The following INTS9 variants were observed in gnomAD, a reference collection of about 807,000 sequenced individuals.
INTS9 encodes protein related to CPSF subunits of 74 kDa.
Under a neutral mutation model 79.7 loss-of-function variants are expected in INTS9, and 55 were observed. The observed-to-expected ratio is 0.69, with a 90% CI of 0.56 to 0.86. The LOEUF is 0.86. Ranked by LOEUF, INTS9 falls within the 40% of genes least tolerant of loss-of-function variation. INTS9 has a pLI of 0.00. For missense variants in INTS9, 721 were observed against 831.5 expected (o/e 0.87, Z 1.64); for synonymous variants, 319 against 325.2 (o/e 0.98, Z 0.20).
At chr8:28,811,153 G>T (rs1805104834) in intron 8 of INTS9, among the ~76,000 whole-genome samples, 1 of 148,480 alleles carries the variant, frequency 6.7e-6, no homozygotes, top group African/African-American at 2.5e-5. Context: ...TGTTGAGATG[G>T]AGTCTCACTC....
intron 4 of INTS9, among the ~76,000 whole-genome samples, chr8:28,846,429 A>ATCAGAAT (rs1807518921): frequency 6.6e-6 from 1 of 152,254 alleles, no homozygotes; most frequent in African/African-American, 2.4e-5. Context: ...TAACCTAAGC[A>ATCAGAAT]CACAGGCATC....
chr8:28,782,156 A>T (rs1406389732), intron 11 of INTS9, among the ~76,000 whole-genome samples: 1 of 152,256 alleles, frequency 6.6e-6, no homozygotes, highest in Non-Finnish European at 1.5e-5. Context: ...GGGCAAGTCA[A>T]GTCTTTCTGG....
chr8:28,834,801 C>T (rs985180058), intron 6 of INTS9, among the ~76,000 whole-genome samples: 11 of 152,030 alleles, frequency 7.2e-5, no homozygotes, highest in Non-Finnish European at 2.9e-5. Context: ...CTCAGCCTCC[C>T]GAGTAGCTGT....
chr8:28,857,942 T>C (rs1183020556), intron 2 of INTS9, among the ~76,000 whole-genome samples: 1 of 152,124 alleles, frequency 6.6e-6, no homozygotes. Flanking sequence ...ACCATATGGA[T>C]AGCTAACCAT....
intron 1 of INTS9, among the ~76,000 whole-genome samples, chr8:28,874,278 A>G (rs1809249407): frequency 6.6e-6 from 1 of 151,560 alleles, no homozygotes; most frequent in Non-Finnish European, 1.5e-5. Context: ...TTAAAAATTC[A>G]TATTTAAACT....
At chr8:28,792,480 T>G (rs1165457024) in intron 10 of INTS9, among the ~76,000 whole-genome samples, 1 of 151,708 alleles carries the variant, frequency 6.6e-6, no homozygotes, top group East Asian at 1.9e-4. Context: ...TAAAAAAAAC[T>G]TCTTGCAAAA....
At chr8:28,857,258 G>T (rs1461862829) in intron 2 of INTS9, among the ~76,000 whole-genome samples, 2 of 152,174 alleles carry the variant, frequency 1.3e-5, no homozygotes, top group Non-Finnish European at 2.9e-5. Context: ...GCCAATTAGA[G>T]GAAAACACAT....
At chr8:28,828,971 C>T (rs1451600600) in intron 6 of INTS9, among the ~76,000 whole-genome samples, 1 of 152,176 alleles carries the variant, frequency 6.6e-6, no homozygotes, top group Non-Finnish European at 1.5e-5. Flanking sequence ...GCATGAGCCA[C>T]CACGCCCAGC....
intron 4 of INTS9, among the ~76,000 whole-genome samples, chr8:28,840,203 A>G (rs1259517312): frequency 4.6e-5 from 7 of 151,502 alleles, no homozygotes; most frequent in Non-Finnish European, 8.9e-5. Flanking sequence ...GCTCACCATC[A>G]CTGGCCATCA....
intron 14 of INTS9, among the ~76,000 whole-genome samples, chr8:28,774,689 G>A (rs241204): frequency 0.68 from 103,503 of 152,076 alleles, 35,705 homozygotes; most frequent in African/African-American, 0.73. Flanking sequence ...CTGAACCTCA[G>A]ACTCCAAAAG....
intron 4 of INTS9, among the ~76,000 whole-genome samples, chr8:28,841,574 C>T (rs374039249): frequency 6.6e-5 from 10 of 152,120 alleles, no homozygotes; most frequent in African/African-American, 2.4e-4. Context: ...AACATCCAAA[C>T]CACATTTATA....
At chr8:28,783,870 G>A (rs1803436820) in intron 11 of INTS9, 1 of 152,200 alleles carries the variant, frequency 6.6e-6, no homozygotes, top group Non-Finnish European at 1.5e-5. Flanking sequence ...TGTATCCTAA[G>A]ATGTCAAGAT....
chr8:28,859,060 G>C (rs1166511237), intron 2 of INTS9, among the ~76,000 whole-genome samples: 1 of 152,154 alleles, frequency 6.6e-6, no homozygotes, highest in Admixed American at 6.5e-5. Context: ...AGAAATGTCA[G>C]ACTCTATGCT....
chr8:28,880,261 C>CCTCT (rs1563317675), intron 1 of INTS9, among the ~76,000 whole-genome samples: 1 of 135,958 alleles, frequency 7.4e-6, no homozygotes, highest in East Asian at 2.1e-4. Flanking sequence ...TCTCCCTCTC[C>CCTCT]CTCTCCCTCT....
intron 6 of INTS9, among the ~76,000 whole-genome samples, chr8:28,827,566 G>A (rs369825015): frequency 7.6e-4 from 116 of 152,316 alleles, no homozygotes; most frequent in African/African-American, 2.4e-3. Flanking sequence ...TAACATGCCT[G>A]TGGGGGCTAG....
intron 1 of INTS9, among the ~76,000 whole-genome samples, chr8:28,875,879 T>C (rs1448233327): frequency 6.6e-6 from 1 of 152,270 alleles, no homozygotes; most frequent in Non-Finnish European, 1.5e-5. Context: ...ATAACATTTG[T>C]TCAATTGTAT....
At chr8:28,795,325 G>A (rs1473561095) in intron 9 of INTS9, among the ~76,000 whole-genome samples, 3 of 152,150 alleles carry the variant, frequency 2.0e-5, no homozygotes, top group Non-Finnish European at 4.4e-5. Context: ...CAGGCCCCAT[G>A]ATGGGATTCA....
intron 8 of INTS9, among the ~76,000 whole-genome samples, chr8:28,801,812 C>T (rs1364076626): frequency 6.6e-6 from 1 of 152,064 alleles, no homozygotes; most frequent in East Asian, 1.9e-4. Context: ...GGAGTTTTAC[C>T]ATGTTGCCCA....
intron 12 of INTS9, 95 bp from the exon 13 acceptor site, chr8:28,778,048 CAG>C (rs984579607): frequency 3.3e-5 from 45 of 1,368,326 alleles, no homozygotes; most frequent in African/African-American, 4.5e-5. Flanking sequence ...CACAGACAGT[CAG>C]GGGGTCAGGA....
Sources: allele counts gnomAD v4.1 joint callset (sites outside exome capture counted in the v4.1 genomes callset), GRCh38; gene constraint gnomAD v4.1.1; transcripts MANE v1.5; gene names NCBI Gene and HGNC (gene_info 2026-07-23, HGNC 2026-07-21).